MCU: variants seen among roughly 807,000 people sequenced by gnomAD.
The protein encoded by MCU is calcium uniporter protein, mitochondrial.
Under a neutral mutation model 45.2 loss-of-function variants are expected in MCU, and 12 were observed. The observed-to-expected ratio is 0.27, with a 90% CI of 0.17 to 0.43. The LOEUF is 0.43. MCU is among the 20% of genes least tolerant of loss of function. MCU has a pLI of 1.00. For missense variants in MCU, 324 were observed against 436.7 expected (o/e 0.74, Z 2.30); for synonymous variants, 160 against 165.1 (o/e 0.97, Z 0.24).
intron 1 of MCU, among the ~76,000 whole-genome samples, chr10:72,700,849 T>G (rs763454394): frequency 7.9e-5 from 12 of 152,212 alleles, no homozygotes; most frequent in Non-Finnish European, 1.2e-4. Flanking sequence ...TTTTCAGTTT[T>G]TATGTATTTT....
intron 1 of MCU, among the ~76,000 whole-genome samples, chr10:72,720,190 C>A (rs1008026076): frequency 6.6e-5 from 10 of 152,218 alleles, no homozygotes; most frequent in Admixed American, 6.5e-4. Flanking sequence ...TAACCAGTGA[C>A]TGCTTACTAA....
chr10:72,806,385 CCCGACCTCAGCTGAT>C (rs1844451350), intron 1 of MCU, among the ~76,000 whole-genome samples: 1 of 152,110 alleles, frequency 6.6e-6, no homozygotes, highest in African/African-American at 2.4e-5. Context: ...GTCTTGAAGT[CCCGACCTCAGCTGAT>C]CCGCCCATCT....
chr10:72,735,976 T>C (rs1249856431), intron 1 of MCU, among the ~76,000 whole-genome samples: 1 of 152,262 alleles, frequency 6.6e-6, no homozygotes, highest in Non-Finnish European at 1.5e-5. Flanking sequence ...TTTTAGTTTC[T>C]ACAATGAGTA....
intron 1 of MCU, among the ~76,000 whole-genome samples, chr10:72,811,678 A>G (rs1441349444): frequency 6.6e-6 from 1 of 152,228 alleles, no homozygotes; most frequent in Non-Finnish European, 1.5e-5. Flanking sequence ...CTTTGAGCTT[A>G]TCATTTAATG....
chr10:72,796,641 G>A, intron 1 of MCU, among the ~76,000 whole-genome samples: 1 of 151,190 alleles, frequency 6.6e-6, no homozygotes. Context: ...AGCCTGCCGA[G>A]TAGGTAGTAC....
chr10:72,742,022 C>CAAAAAAAAAAA (rs59028044), intron 1 of MCU, among the ~76,000 whole-genome samples: 6 of 72,864 alleles, frequency 8.2e-5, no homozygotes, highest in African/African-American at 2.2e-4. Flanking sequence ...GACTCCGTCT[C>CAAAAAAAAAAA]AAAAAAAAAA....
intron 1 of MCU, among the ~76,000 whole-genome samples, chr10:72,804,012 A>C: frequency 1.3e-5 from 1 of 78,906 alleles, no homozygotes; most frequent in South Asian, 5.2e-4. Flanking sequence ...TTTGGAATGT[A>C]AGTAAATATA....
intron 1 of MCU, among the ~76,000 whole-genome samples, chr10:72,767,604 T>A (rs182639367): frequency 6.6e-6 from 1 of 152,244 alleles, no homozygotes; most frequent in East Asian, 1.9e-4. Context: ...AGCCTCAGCC[T>A]CCCAAAGTGC....
chr10:72,697,625 G>A (rs544043360), intron 1 of MCU, among the ~76,000 whole-genome samples: 5 of 151,546 alleles, frequency 3.3e-5, no homozygotes, highest in African/African-American at 7.3e-5. Flanking sequence ...TAGTAGAGAC[G>A]GGGTTTCACC....
At chr10:72,735,862 A>T (rs1843245835) in intron 1 of MCU, among the ~76,000 whole-genome samples, 1 of 152,226 alleles carries the variant, frequency 6.6e-6, no homozygotes, top group African/African-American at 2.4e-5. Flanking sequence ...TTTGGTAATC[A>T]TAGAACATTG....
At chr10:72,806,066 A>G (rs925077178) in intron 1 of MCU, among the ~76,000 whole-genome samples, 1 of 152,184 alleles carries the variant, frequency 6.6e-6, no homozygotes, top group Admixed American at 6.5e-5. Flanking sequence ...GGGAATTTCA[A>G]AAAGCCAATG....
intron 1 of MCU, among the ~76,000 whole-genome samples, chr10:72,724,640 A>G (rs2132676222): frequency 6.6e-6 from 1 of 152,348 alleles, no homozygotes; most frequent in East Asian, 1.9e-4. Flanking sequence ...AATGTTGCCA[A>G]GTAAATACAG....
At chr10:72,789,813 A>G (rs1158561956) in intron 1 of MCU, among the ~76,000 whole-genome samples, 1 of 152,206 alleles carries the variant, frequency 6.6e-6, no homozygotes, top group Non-Finnish European at 1.5e-5. Context: ...AATTAGATTC[A>G]TATTTCTAAT....
intron 1 of MCU, among the ~76,000 whole-genome samples, chr10:72,785,306 T>G (rs992160261): frequency 3.3e-5 from 5 of 152,220 alleles, no homozygotes; most frequent in Non-Finnish European, 5.9e-5. Flanking sequence ...CTGCTTCTGT[T>G]GTCTCCCTGT....
chr10:72,744,115 CTT>C (rs1843376023), intron 1 of MCU, among the ~76,000 whole-genome samples: 1 of 151,240 alleles, frequency 6.6e-6, no homozygotes, highest in Non-Finnish European at 1.5e-5. Flanking sequence ...TTATCCCACT[CTT>C]AATATAGGAG....
At chr10:72,868,379 T>C (rs1845489999) in intron 4 of MCU, among the ~76,000 whole-genome samples, 1 of 152,016 alleles carries the variant, frequency 6.6e-6, no homozygotes, top group Non-Finnish European at 1.5e-5. Flanking sequence ...TGAAAACTTG[T>C]CTGTACAAAA....
At chr10:72,717,707 A>G (rs1392941491) in intron 1 of MCU, among the ~76,000 whole-genome samples, 1 of 152,172 alleles carries the variant, frequency 6.6e-6, no homozygotes, top group Non-Finnish European at 1.5e-5. Flanking sequence ...TGCTTTCCTC[A>G]TATATCTATG....
intron 4 of MCU, among the ~76,000 whole-genome samples, chr10:72,862,561 A>C (rs1845395032): frequency 1.3e-5 from 2 of 152,192 alleles, no homozygotes. Flanking sequence ...CCTCACATGC[A>C]CAATTTACAA....
At chr10:72,865,753 G>A (rs1030931779) in intron 4 of MCU, among the ~76,000 whole-genome samples, 1 of 149,958 alleles carries the variant, frequency 6.7e-6, no homozygotes, top group Non-Finnish European at 1.5e-5. Context: ...TGCCCAGGCT[G>A]TGTGGTTTTG....
Sources: allele counts gnomAD v4.1 joint callset (sites outside exome capture counted in the v4.1 genomes callset), GRCh38; gene constraint gnomAD v4.1.1; transcripts MANE v1.5; gene names NCBI Gene and HGNC (gene_info 2026-07-23, HGNC 2026-07-21).